HS3ST3B1: variants seen among roughly 807,000 people sequenced by gnomAD.
HS3ST3B1 encodes heparan sulfate glucosamine 3-O-sulfotransferase 3B1.
HS3ST3B1 carries 13 observed loss-of-function variants against 21.3 expected under a neutral mutation model. That is an observed-to-expected ratio of 0.61 (90% CI 0.40 to 0.97). The LOEUF is 0.97. HS3ST3B1 is among the 50% of genes least tolerant of loss of function. HS3ST3B1 has a pLI of 0.00. For synonymous variants in HS3ST3B1, 234 were observed against 254.8 expected (o/e 0.92, Z 0.78); for missense variants, 459 against 554.8 (o/e 0.83, Z 1.73).
At chr17:14,314,217 G>A (rs1013215706) in intron 1 of HS3ST3B1, among the ~76,000 whole-genome samples, 1 of 134,124 alleles carries the variant, frequency 7.5e-6, no homozygotes, top group African/African-American at 2.5e-5. Context: ...GACCTCAGGT[G>A]ATCCACCCGC....
Position 14,343,415 on chromosome 17 carries a change from A to T in HS3ST3B1, c.555-1613A>T, listed in dbSNP as rs78957293. ...CTGTGGTCACTGTGCAGTGAAATAG[A>T]TCCCTACAACTTATTTCTCCAGTCT... On this transcript the variant is annotated intron_variant, in intron 1 of 1. Coordinates refer to ENST00000360954, the MANE Select transcript of HS3ST3B1 (RefSeq NM_006041.3). Among the ~76,000 whole-genome samples the T allele has an allele frequency of 4.7e-3, 720 of 152,280 alleles. 12 individuals carry two copies. The highest frequency in any genetic ancestry group is 0.016 in the African/African-American group (678 of 41,536).
chr17:14,323,050 C>A (rs1909705989), intron 1 of HS3ST3B1, among the ~76,000 whole-genome samples: 1 of 151,892 alleles, frequency 6.6e-6, no homozygotes, highest in African/African-American at 2.4e-5. Flanking sequence ...GAATTACAGG[C>A]ACATGCCACC....
At chr17:14,309,833 A>G (rs1909250346) in intron 1 of HS3ST3B1, among the ~76,000 whole-genome samples, 1 of 152,020 alleles carries the variant, frequency 6.6e-6, no homozygotes, top group Admixed American at 6.6e-5. Context: ...GCAGGACCCG[A>G]GTGGGCCCGA....
chr17:14,313,721 C>T (rs760718097), intron 1 of HS3ST3B1, among the ~76,000 whole-genome samples: 5 of 151,874 alleles, frequency 3.3e-5, no homozygotes, highest in Admixed American at 1.3e-4. Context: ...CAGGCATGCG[C>T]CACCACACAC....
rs865851156 is a variant in HS3ST3B1, at chr17:14,345,793, G to A, written c.*147G>A. ...CTAAGCTGCCTAGCCACACTCTTTA[G>A]AGAGTTAGCTTCATAATCTGTTAAC... On this transcript the variant is annotated 3_prime_UTR_variant, in exon 2 of 2. Coordinates refer to ENST00000360954, the MANE Select transcript of HS3ST3B1 (RefSeq NM_006041.3). The A allele has an allele frequency of 3.0e-6, 3 of 1,016,448 alleles. No homozygotes were observed. The highest frequency in any genetic ancestry group is 2.8e-6 in the Non-Finnish European group (2 of 719,622). The allele number at this position is 1,016,448 out of a possible 1,614,324, so 63.0% of individuals were successfully genotyped here. A position where few individuals can be genotyped will look rare whatever the true frequency, so the allele number is the denominator to read the frequency against.
intron 1 of HS3ST3B1, chr17:14,328,689 TTCTC>T (rs1388814336): frequency 1.3e-5 from 2 of 152,176 alleles, no homozygotes; most frequent in Non-Finnish European, 2.9e-5. Flanking sequence ...CTCTGGGATC[TTCTC>T]TCTGATTAGA....
intron 1 of HS3ST3B1, among the ~76,000 whole-genome samples, chr17:14,340,871 C>T (rs1436904994): frequency 6.6e-6 from 1 of 152,200 alleles, no homozygotes; most frequent in Non-Finnish European, 1.5e-5. Context: ...GCGTGAGCCA[C>T]CAAGCCCGGC....
At chr17:14,337,332 A>ATTT (rs35942275) in intron 1 of HS3ST3B1, among the ~76,000 whole-genome samples, 15,399 of 143,328 alleles carry the variant, frequency 0.11, 1,196 homozygotes, top group African/African-American at 0.22. Context: ...TCCTGATTGG[A>ATTT]TTTTTTTTTT....
intron 1 of HS3ST3B1, among the ~76,000 whole-genome samples, chr17:14,309,224 C>T (rs953359753): frequency 4.6e-5 from 7 of 152,352 alleles, no homozygotes; most frequent in African/African-American, 1.7e-4. Context: ...ATCGACGCGG[C>T]CCTGGTGTCG....
chr17:14,301,790 G>A lies in HS3ST3B1; in HGVS notation c.272G>A (p.Arg91Gln). ...GGGACGCCCCCCAGGCTGCCGTTCC[G>A]GGCGCCGCCAGCCACCCCACTGGCT... The part of the protein sequence containing the change: ...PDGTPPRLPF[R>Q]APPATPLASG... Residue 91 changes from arginine (R) to glutamine (Q), a missense_variant, in exon 1 of 2, where the codon CGG (arginine) becomes CAG (glutamine). By Grantham distance (43) the Arg-to-Gln change is conservative (BLOSUM62 1). Coordinates refer to ENST00000360954, the MANE Select transcript of HS3ST3B1 (RefSeq NM_006041.3). 1 of 1,556,650 alleles carries A rather than the reference G, an allele frequency of 6.4e-7. No homozygotes were observed. Among genetic ancestry groups the A allele is most frequent in the Non-Finnish European group, 8.7e-7 (1 of 1,151,024 alleles).
Position 14,301,760 on chromosome 17 carries a change from C to A in HS3ST3B1, c.242C>A (p.Pro81Gln). The A allele has an allele frequency of 6.3e-7, 1 of 1,579,434 alleles. No individual in the cohort carries two copies. Among genetic ancestry groups the A allele is most frequent in the Non-Finnish European group, 8.6e-7 (1 of 1,163,814 alleles). The change falls in exon 1 of 2, where the codon CCG becomes CAG. Residue 81 changes from proline to glutamine, a missense_variant. Physicochemically the swap from Pro to Gln is moderately conservative, Grantham distance 76. Transcript: ENST00000360954. ...AHDPPALATA[P>Q]DGTPPRLPFR... ...GACCCGCCAGCCCTGGCCACAGCTC[C>A]GGACGGGACGCCCCCCAGGCTGCCG...
intron 1 of HS3ST3B1, among the ~76,000 whole-genome samples, chr17:14,319,003 G>T (rs78397265): frequency 6.6e-6 from 1 of 152,156 alleles, no homozygotes; most frequent in Non-Finnish European, 1.5e-5. Context: ...GATGGGAAGT[G>T]CAAAAGCACA....
At position 14,349,211 on chromosome 17, in the gene HS3ST3B1, T is replaced by C. The variant is rs1331797877; in HGVS notation, c.*3565T>C. 1 of 152,216 alleles carries C rather than the reference T, an allele frequency of 6.6e-6. No individual in the cohort carries two copies. The highest frequency in any genetic ancestry group is 1.5e-5 in the Non-Finnish European group (1 of 68,042). The allele number at this position is 152,216 out of a possible 1,614,324, so 9.4% of individuals were successfully genotyped here. A position where few individuals can be genotyped will look rare whatever the true frequency, so the allele number is the denominator to read the frequency against. On this transcript the variant is annotated 3_prime_UTR_variant, in exon 2 of 2. Transcript: ENST00000360954. ...CATTCAACCAAGTAATCTAAAATAC[T>C]GTGCAAATTCTAGCAGTATGTCTTC... is the stretch of plus-strand genomic sequence containing the variant.
At chr17:14,329,819 G>A (rs977067265) in intron 1 of HS3ST3B1, among the ~76,000 whole-genome samples, 12 of 152,156 alleles carry the variant, frequency 7.9e-5, no homozygotes, top group African/African-American at 2.7e-4. Flanking sequence ...TTTAAAAAAC[G>A]ATTTTATGTC....
chr17:14,316,212 T>C (rs1381144300), intron 1 of HS3ST3B1, among the ~76,000 whole-genome samples: 1 of 152,172 alleles, frequency 6.6e-6, no homozygotes, highest in East Asian at 1.9e-4. Context: ...TGTGATGTCA[T>C]CTCAAACCTA....
At chr17:14,304,929 C>T (rs567469608) in intron 1 of HS3ST3B1, 2 of 152,130 alleles carry the variant, frequency 1.3e-5, no homozygotes, top group South Asian at 2.1e-4. Flanking sequence ...TGGGTTTAAT[C>T]GGTTGATACA....
At chr17:14,321,021 C>A (rs1206610881) in intron 1 of HS3ST3B1, among the ~76,000 whole-genome samples, 1 of 152,130 alleles carries the variant, frequency 6.6e-6, no homozygotes, top group Non-Finnish European at 1.5e-5. Context: ...ATTTACTGTG[C>A]TTTTTCTGAA....
intron 1 of HS3ST3B1, chr17:14,329,291 AATAAAGAAAGAAAGAGAGAAAGAG>A (rs1235774567): frequency 6.9e-6 from 1 of 145,336 alleles, no homozygotes; most frequent in African/African-American, 2.7e-5. Flanking sequence ...GCCATGAGGA[AATAAAGAAAGAAAGAGAGAAAGAG>A]AGAAAGAAAG....
chr17:14,308,410 G>T (rs564175369), intron 1 of HS3ST3B1, among the ~76,000 whole-genome samples: 3 of 152,054 alleles, frequency 2.0e-5, no homozygotes, highest in East Asian at 1.9e-4. Context: ...CGCACATTTC[G>T]GTAACTTGAA....
Sources: gnomAD v4.1 joint callset for allele counts (sites outside exome capture counted in the v4.1 genomes callset) on GRCh38, gnomAD v4.1.1 for gene constraint, MANE v1.5 for transcripts, NCBI Gene and HGNC (gene_info 2026-07-23, HGNC 2026-07-21) for gene names.